ZC2HC1B: variants seen among roughly 807,000 people sequenced by gnomAD.
The protein encoded by ZC2HC1B is zinc finger C2HC domain-containing protein 1B.
A neutral mutation model predicts 31.0 loss-of-function variants in ZC2HC1B; 36 were observed. That is an observed-to-expected ratio of 1.16 (90% CI 0.89 to 1.54). The LOEUF (loss-of-function observed/expected upper bound fraction) is 1.54, where lower values mean the gene tolerates loss of function less well. ZC2HC1B is among the 40% of genes most tolerant of loss of function. The probability of loss-of-function intolerance (pLI) is 0.00; values close to 1 mark genes in which losing one functional copy is unlikely to be tolerated. For synonymous variants in ZC2HC1B, 73 were observed against 88.0 expected (o/e 0.83, Z 0.95); for missense variants, 260 against 268.6 (o/e 0.97, Z 0.22).
chr6:143,912,916 G>A (rs1777877625), intron 6 of ZC2HC1B, among the ~76,000 whole-genome samples: 1 of 152,240 alleles, frequency 6.6e-6, no homozygotes, highest in South Asian at 2.1e-4. Flanking sequence ...ACAGGCCAGG[G>A]TGACCAGAGG....
intron 6 of ZC2HC1B, among the ~76,000 whole-genome samples, chr6:143,932,028 C>T (rs920345232): frequency 1.3e-5 from 2 of 152,048 alleles, no homozygotes; most frequent in Non-Finnish European, 2.9e-5. Context: ...TGTGCACCAC[C>T]ACACCCAGCT....
rs4896690 is a variant in ZC2HC1B, at chr6:143,923,079, G to A, written c.599-14570G>A. Among the ~76,000 whole-genome samples the A allele has an allele frequency of 0.67, 101,539 of 151,946 alleles. 34,857 individuals are homozygous for A. Among genetic ancestry groups the A allele is most frequent in the African/African-American group, 0.83 (34,570 of 41,482 alleles). On this transcript the variant is annotated intron_variant, in intron 6 of 7. Transcript: ENST00000237275. This position sits in a 1 kb window ranked among gnomAD's most constrained non-coding sequence, Gnocchi z 4.8. ...CAAGGGTAAGATTTTGTCTCATTGC[G>A]TCTTGGATTGGCATTTCCCTGATAA...
intron 6 of ZC2HC1B, among the ~76,000 whole-genome samples, chr6:143,936,977 G>T (rs540735647): frequency 6.6e-6 from 1 of 152,032 alleles, no homozygotes; most frequent in Non-Finnish European, 1.5e-5. Context: ...CCTTGTTATT[G>T]CTCCTTCATA....
rs111286718 is a variant in ZC2HC1B at position 143,877,621 on chromosome 6, A to AT, written c.29-6673dup. ...TTCTAAGAGTTATAATTTTCCTTTA[A>AT]TTTTTTTTTTGTCTGTTTTGGACTT... On this transcript the variant is annotated intron_variant, in intron 1 of 7. Coordinates refer to ENST00000237275, the MANE Select transcript of ZC2HC1B (RefSeq NM_001013623.3). 1.9e-3 allele frequency among the ~76,000 whole-genome samples: 278 copies of AT among 145,286 alleles called. 15 individuals are homozygous for AT. Among genetic ancestry groups the AT allele is most frequent in the East Asian group, 8.1e-3 (41 of 5,052 alleles).
chr6:143,904,543 G>A (rs115305069), intron 6 of ZC2HC1B, among the ~76,000 whole-genome samples: 3,270 of 152,158 alleles, frequency 0.021, 76 homozygotes, highest in African/African-American at 0.059. Flanking sequence ...TAAATTTTTC[G>A]TAGAGATGAG....
At chr6:143,889,533 T>G (rs1475316687) in intron 4 of ZC2HC1B, among the ~76,000 whole-genome samples, 1 of 152,122 alleles carries the variant, frequency 6.6e-6, no homozygotes, top group Non-Finnish European at 1.5e-5. Flanking sequence ...CTGGAATGAC[T>G]GTATTAATAT....
intron 1 of ZC2HC1B, among the ~76,000 whole-genome samples, chr6:143,866,555 T>C (rs1336695600): frequency 3.3e-5 from 5 of 152,250 alleles, no homozygotes; most frequent in African/African-American, 9.6e-5. Context: ...TTTACAAGTC[T>C]AAGTGTCTGA....
At chr6:143,906,461 T>G (rs1034867126) in intron 6 of ZC2HC1B, among the ~76,000 whole-genome samples, 1 of 152,120 alleles carries the variant, frequency 6.6e-6, no homozygotes, top group African/African-American at 2.4e-5. Context: ...TGTTTTGTTT[T>G]GAGAGAGAGC....
In ZC2HC1B at chr6:143,865,271, G is replaced by T. The variant is rs1426806705; in HGVS notation, c.28+704G>T. Among the ~76,000 whole-genome samples, 1 of 152,162 alleles carries T rather than the reference G, an allele frequency of 6.6e-6. No individual in the cohort carries two copies. The highest frequency in any genetic ancestry group is 1.5e-5 in the Non-Finnish European group (1 of 68,028). On this transcript the variant is annotated intron_variant, in intron 1 of 7. Coordinates refer to ENST00000237275, the MANE Select transcript of ZC2HC1B (RefSeq NM_001013623.3). The surrounding 1 kb of genome is among the most constrained non-coding windows in gnomAD (Gnocchi z 4.4). ...GAGCCCAAGAGATCAGAGGGTTTTTGCCTTCAGGAGCCACATGGTCTGAGG... is the reference window on the plus strand; with the variant it reads ...GAGCCCAAGAGATCAGAGGGTTTTTTCCTTCAGGAGCCACATGGTCTGAGG...
Position 143,915,950 on chromosome 6 carries a change from CT to C in ZC2HC1B, c.598+12799del, listed in dbSNP as rs1777911687. 6.6e-6 allele frequency among the ~76,000 whole-genome samples: 1 copy of C among 152,186 alleles called. No individual in the cohort carries two copies. The highest frequency in any genetic ancestry group is 2.4e-5 in the African/African-American group (1 of 41,446). On this transcript the variant is annotated intron_variant, in intron 6 of 7. Transcript: ENST00000237275. This position sits in a 1 kb window ranked among gnomAD's most constrained non-coding sequence, Gnocchi z 5.2. ...TTTTCTGGGGAGAAATTCAAACTGG[CT>C]GCAGAAATTTGTATAGGTAATGAGG...
At chr6:143,881,386 A>G (rs1294782371) in intron 1 of ZC2HC1B, among the ~76,000 whole-genome samples, 1 of 151,890 alleles carries the variant, frequency 6.6e-6, no homozygotes, top group Non-Finnish European at 1.5e-5. Context: ...CCCCGTCTCC[A>G]CAAAAAATAA....
rs1023282422 is a variant in ZC2HC1B at position 143,920,862 on chromosome 6, C to T, written c.599-16787C>T. 1.3e-4 allele frequency among the ~76,000 whole-genome samples: 20 copies of T among 148,992 alleles called. No homozygotes were observed. The East Asian group carries it at 1.6e-3, about 12-fold the overall frequency. ...GTCGGAGGTTACAGTGAGCCAAGAT[C>T]GCCACTGCACTCCAGCCTGACAACA... On this transcript the variant is annotated intron_variant, in intron 6 of 7. Coordinates refer to ENST00000237275, the MANE Select transcript of ZC2HC1B (RefSeq NM_001013623.3).
chr6:143,903,046 T>C lies in ZC2HC1B; in HGVS notation c.492T>C (p.Gly164=). Residue 164 remains glycine (G), a splice_region_variant and synonymous_variant, in exon 6 of 8, where the codon GGT becomes GGC. Coordinates refer to ENST00000237275, the MANE Select transcript of ZC2HC1B (RefSeq NM_001013623.3). The surrounding 1 kb of genome is among the most constrained non-coding windows in gnomAD (Gnocchi z 4.3). ...TAAKLASRAQ[G]RAQMGPKKEP... ...TCTCTTTCTTTCTCTCTCTGTAGGG[T>C]AGGGCTCAGATGGGTCCAAAAAAAG... 1.9e-6 allele frequency: 3 copies of C among 1,551,692 alleles called. 1 individual carries two copies. The highest frequency in any genetic ancestry group is 2.6e-6 in the Non-Finnish European group (3 of 1,146,948).
Position 143,884,558 on chromosome 6 carries a change from C to T in ZC2HC1B, c.90+193C>T, listed in dbSNP as rs17614885. Among the ~76,000 whole-genome samples the T allele has an allele frequency of 6.6e-6, 1 of 152,098 alleles. No homozygotes were observed. The highest frequency in any genetic ancestry group is 1.5e-5 in the Non-Finnish European group (1 of 68,016). ...TGATGCTGCCTCATTCAAGAGCGAC[C>T]CTATTAAACATGGTCCTCCTGAAAT... On this transcript the variant is annotated intron_variant, in intron 2 of 7. Coordinates refer to ENST00000237275, the MANE Select transcript of ZC2HC1B (RefSeq NM_001013623.3). This position sits in a 1 kb window ranked among gnomAD's most constrained non-coding sequence, Gnocchi z 5.1.
intron 7 of ZC2HC1B, 118 bp downstream of exon 7, chr6:143,937,851 AC>A (rs1778196625): frequency 3.0e-6 from 2 of 668,426 alleles, no homozygotes; most frequent in Non-Finnish European, 5.0e-6. Context: ...AGTTGGGTTA[AC>A]AAAATGTATG....
At chr6:143,925,188 T>TTC in intron 6 of ZC2HC1B, among the ~76,000 whole-genome samples, 1 of 110,124 alleles carries the variant, frequency 9.1e-6, no homozygotes, top group Admixed American at 9.8e-5. Context: ...TTTTTTTTTT[T>TTC]TTTTTGAGAC....
intron 6 of ZC2HC1B, among the ~76,000 whole-genome samples, chr6:143,919,213 T>A (rs1777956073): frequency 8.0e-6 from 1 of 125,390 alleles, no homozygotes; most frequent in African/African-American, 3.1e-5. Flanking sequence ...GGGTTTGCTA[T>A]TCTCTGTGTG....
rs1473249397 is a variant in ZC2HC1B at position 143,923,733 on chromosome 6, G to A, written c.599-13916G>A. ...CTTTCCCCAATTTATATTCTTAATG[G>A]CTTTGTTGAAAATCAGTTAGCTGTA... On this transcript the variant is annotated intron_variant, in intron 6 of 7. Transcript: ENST00000237275. The surrounding 1 kb of genome is among the most constrained non-coding windows in gnomAD (Gnocchi z 4.8). Among the ~76,000 whole-genome samples, 1 of 151,950 alleles carries A rather than the reference G, an allele frequency of 6.6e-6. No homozygotes were observed. Among genetic ancestry groups the A allele is most frequent in the Admixed American group, 6.5e-5 (1 of 15,268 alleles).
rs1777704703 is a variant in ZC2HC1B at position 143,899,021 on chromosome 6, C to T, written c.489+330C>T. 6.6e-6 allele frequency among the ~76,000 whole-genome samples: 1 copy of T among 152,176 alleles called. No individual in the cohort carries two copies. ...TAATCACCCAGAAAAGAATTGCGAA[C>T]CTGAAGTGAAACTGCCTGAGTGGGA... On this transcript the variant is annotated intron_variant, in intron 5 of 7. Transcript: ENST00000237275. This position sits in a 1 kb window ranked among gnomAD's most constrained non-coding sequence, Gnocchi z 5.0.
Sources: allele counts gnomAD v4.1 joint callset (sites outside exome capture counted in the v4.1 genomes callset), GRCh38; gene constraint gnomAD v4.1.1; non-coding constraint Gnocchi (gnomAD v3.1); transcripts MANE v1.5; gene names NCBI Gene and HGNC (gene_info 2026-07-23, HGNC 2026-07-21).